The following PANK1 variants were observed in gnomAD, a reference collection of about 807,000 sequenced individuals.
The protein encoded by PANK1 is pantothenate kinase 1.
A neutral mutation model predicts 40.1 loss-of-function variants in PANK1; 18 were observed. The observed-to-expected ratio is 0.45, with a 90% CI of 0.31 to 0.67. The LOEUF is 0.67. Among genes scored for constraint, PANK1 ranks in the 30% least tolerant of loss-of-function variants. PANK1 has a pLI of 0.06. For missense variants in PANK1, 457 were observed against 599.6 expected (o/e 0.76, Z 2.48); for synonymous variants, 242 against 237.7 (o/e 1.02, Z -0.17).
chr10:89,596,162 T>G (rs1013856390), intron 3 of PANK1, among the ~76,000 whole-genome samples: 1 of 152,076 alleles, frequency 6.6e-6, no homozygotes, highest in Admixed American at 6.6e-5. Flanking sequence ...GGTGGGAACA[T>G]GTTTTGGTTT....
intron 1 of PANK1, chr10:89,639,327 T>C: frequency 9.0e-6 from 3 of 332,140 alleles, no homozygotes; most frequent in African/African-American, 2.1e-5. Context: ...GAAGCCCTCA[T>C]GACCTAAACA....
intron 1 of PANK1, 45 bp downstream of exon 1, chr10:89,644,555 G>C: frequency 1.3e-6 from 2 of 1,534,058 alleles, no homozygotes; most frequent in South Asian, 1.2e-5. Context: ...GGCCCCGCAC[G>C]CTGCGTCTGC....
chr10:89,593,775 T>G, intron 4 of PANK1, 38 bp downstream of exon 4: 1 of 1,512,520 alleles, frequency 6.6e-7, no homozygotes, highest in Non-Finnish European at 9.2e-7. Context: ...GGCTGCCTTG[T>G]GTTTAATCAC....
intron 2 of PANK1, among the ~76,000 whole-genome samples, chr10:89,604,242 A>G (rs1228259366): frequency 1.3e-5 from 2 of 152,192 alleles, no homozygotes; most frequent in African/African-American, 4.8e-5. Flanking sequence ...GTTACTTCTG[A>G]CTTCTAATCA....
intron 1 of PANK1, among the ~76,000 whole-genome samples, chr10:89,616,549 G>T (rs931052501): frequency 4.6e-5 from 7 of 152,116 alleles, no homozygotes; most frequent in African/African-American, 1.7e-4. Context: ...AACTCAGGAG[G>T]TCAAGGTTGT....
At chr10:89,607,434 A>T (rs1331703532) in intron 2 of PANK1, among the ~76,000 whole-genome samples, 1 of 152,184 alleles carries the variant, frequency 6.6e-6, no homozygotes, top group Admixed American at 6.5e-5. Context: ...GATCACCATA[A>T]CAGATACAAT....
At chr10:89,636,424 C>G (rs968712428) in intron 1 of PANK1, among the ~76,000 whole-genome samples, 1 of 151,652 alleles carries the variant, frequency 6.6e-6, no homozygotes, top group African/African-American at 2.4e-5. Flanking sequence ...GCAGGCTCGG[C>G]CCCCCGGGGT....
At chr10:89,631,976 G>GTGTGTGTGTGT (rs199540491) in intron 1 of PANK1, among the ~76,000 whole-genome samples, 1,868 of 143,302 alleles carry the variant, frequency 0.013, 15 homozygotes, top group Non-Finnish European at 0.02. Context: ...GTGTGTGTGT[G>GTGTGTGTGTGT]TTTTTTTTTT....
At chr10:89,630,502 T>C (rs1165125058) in intron 1 of PANK1, among the ~76,000 whole-genome samples, 3 of 152,056 alleles carry the variant, frequency 2.0e-5, no homozygotes, top group African/African-American at 7.2e-5. Context: ...TTTTTTTGTT[T>C]TTTTTTTTGA....
chr10:89,594,034 T>C (rs748846093), intron 3 of PANK1, 45 bp from the exon 4 acceptor site: 2 of 1,434,980 alleles, frequency 1.4e-6, no homozygotes, highest in Non-Finnish European at 2.0e-6. Flanking sequence ...CTTTAAGATA[T>C]GCCCATCCAA....
intron 3 of PANK1, among the ~76,000 whole-genome samples, chr10:89,595,833 AATATATATATATATATATATATATAT>A (rs369831755): frequency 5.9e-5 from 2 of 33,778 alleles, no homozygotes; most frequent in Non-Finnish European, 9.6e-5. Flanking sequence ...AAAAAAAAAA[AATATATATATATATATATATATATAT>A]ATATATATAT....
downstream of PANK1, chr10:89,582,454 T>C (rs1207367441): frequency 6.6e-6 from 1 of 152,326 alleles, no homozygotes; most frequent in African/African-American, 2.4e-5. Flanking sequence ...ATGTTTGTAA[T>C]GAGAGATCAA....
chr10:89,601,429 C>A (rs1379040826), intron 2 of PANK1, among the ~76,000 whole-genome samples: 1 of 151,320 alleles, frequency 6.6e-6, no homozygotes, highest in African/African-American at 2.4e-5. Flanking sequence ...TGCAGCGAGC[C>A]ATGGTCGTGT....
chr10:89,634,785 C>T (rs1841754118), intron 1 of PANK1, among the ~76,000 whole-genome samples: 1 of 152,184 alleles, frequency 6.6e-6, no homozygotes, highest in African/African-American at 2.4e-5. Context: ...GATTAGCAAT[C>T]AAATAAATTC....
intron 1 of PANK1, among the ~76,000 whole-genome samples, chr10:89,622,076 A>T (rs1332567950): frequency 1.3e-5 from 2 of 152,250 alleles, no homozygotes. Flanking sequence ...TAGTTCTCAC[A>T]TTCTATCATC....
At position 89,588,646 on chromosome 10, in the gene PANK1, A is replaced by G. The variant is rs750299353; in HGVS notation, c.1326+6T>C. The G allele has an allele frequency of 6.3e-7, 1 of 1,597,314 alleles. No individual in the cohort carries two copies. Among genetic ancestry groups the G allele is most frequent in the East Asian group, 2.3e-5 (1 of 44,402 alleles). On this transcript the variant is annotated splice_donor_region_variant and intron_variant, in intron 6 of 6. Transcript: ENST00000307534. Reference sequence around the variant, plus strand: ...ATGACAGTAAGTCTATGCAAGCTCAACCTACCTCATGTTCCAAAAACAGAG... The same window carrying G: ...ATGACAGTAAGTCTATGCAAGCTCAGCCTACCTCATGTTCCAAAAACAGAG...
At chr10:89,626,491 A>G (rs1016536665) in intron 1 of PANK1, 10 of 152,278 alleles carry the variant, frequency 6.6e-5, no homozygotes, top group African/African-American at 1.9e-4. Flanking sequence ...TTTTTAGTAA[A>G]GACGGGGTTT....
chr10:89,596,084 TA>T (rs1392789130), intron 3 of PANK1, among the ~76,000 whole-genome samples: 1 of 151,844 alleles, frequency 6.6e-6, no homozygotes, highest in Non-Finnish European at 1.5e-5. Context: ...TAAGAAAGTT[TA>T]TCTTTATTCA....
At chr10:89,614,083 CT>C in intron 1 of PANK1, 1 of 453,036 alleles carries the variant, frequency 2.2e-6, no homozygotes, top group Admixed American at 2.4e-5. Context: ...TGACCAGAGT[CT>C]TTTTCAGTGG....
Sources: gnomAD v4.1 joint callset for allele counts (sites outside exome capture counted in the v4.1 genomes callset) on GRCh38, gnomAD v4.1.1 for gene constraint, MANE v1.5 for transcripts, NCBI Gene and HGNC (gene_info 2026-07-23, HGNC 2026-07-21) for gene names.